PTPRZ1: variants seen among roughly 807,000 people sequenced by gnomAD.
PTPRZ1 encodes protein tyrosine phosphatase receptor type Z1, also known as receptor-type tyrosine-protein phosphatase zeta.
In PTPRZ1, 82 loss-of-function variants were observed where a neutral mutation model predicts 214.1. That is an observed-to-expected ratio of 0.38 (90% CI 0.32 to 0.46). PTPRZ1 has a LOEUF of 0.46. PTPRZ1 is among the 20% of genes least tolerant of loss of function. The pLI is 1.00. For missense variants in PTPRZ1, 2,603 were observed against 2,748.7 expected, an observed-to-expected ratio of 0.95 and a Z score of 1.19; for synonymous variants, 945 against 987.9, an observed-to-expected ratio of 0.96 and a Z score of 0.81.
intron 10 of PTPRZ1, among the ~76,000 whole-genome samples, chr7:122,000,610 GAT>G (rs1418237631): frequency 8.0e-6 from 1 of 124,534 alleles, no homozygotes; most frequent in Non-Finnish European, 1.6e-5. Context: ...AAATGAAAAA[GAT>G]AATTTATAAT....
intron 1 of PTPRZ1, among the ~76,000 whole-genome samples, chr7:121,896,662 A>G (rs1389673158): frequency 6.6e-6 from 1 of 151,990 alleles, no homozygotes; most frequent in Non-Finnish European, 1.5e-5. Flanking sequence ...AGTCCCAACT[A>G]CTGGGGAGGC....
chr7:121,890,190 T>C (rs760337706), intron 1 of PTPRZ1, among the ~76,000 whole-genome samples: 1 of 152,218 alleles, frequency 6.6e-6, no homozygotes, highest in Non-Finnish European at 1.5e-5. Context: ...CATTTAGATA[T>C]GTAACACAGT....
rs571155248 is a variant in PTPRZ1 at position 122,011,422 on chromosome 7, G to A, written c.2376G>A (p.Ser792=). The A allele has an allele frequency of 6.2e-5, 100 of 1,613,966 alleles. No homozygotes were observed. Among genetic ancestry groups the A allele is most frequent in the South Asian group, 5.5e-4 (50 of 91,070 alleles). Residue 792 remains serine, a synonymous_variant, in exon 12 of 30, where the codon TCG becomes TCA. Coordinates refer to ENST00000393386, the MANE Select transcript of PTPRZ1 (RefSeq NM_002851.3). The part of the protein sequence containing the change: ...NTTPAASSSD[S]ALHATPVFPS... ...CCCCTGCTGCTTCAAGTAGTGATTC[G>A]GCCTTGCATGCTACGCCTGTATTTC...
chr7:122,041,286 T>G (rs1293420228), intron 21 of PTPRZ1, among the ~76,000 whole-genome samples: 2 of 152,186 alleles, frequency 1.3e-5, no homozygotes, highest in Non-Finnish European at 2.9e-5. Flanking sequence ...TAAACAAATA[T>G]TTACCTCAAC....
chr7:121,991,337 A>C (rs1352191439), intron 8 of PTPRZ1, among the ~76,000 whole-genome samples: 1 of 152,240 alleles, frequency 6.6e-6, no homozygotes, highest in East Asian at 1.9e-4. Context: ...AGGTGTTCTT[A>C]AATAATTGTT....
intron 1 of PTPRZ1, among the ~76,000 whole-genome samples, chr7:121,907,268 A>G (rs1795144130): frequency 6.6e-6 from 1 of 152,102 alleles, no homozygotes; most frequent in African/African-American, 2.4e-5. Flanking sequence ...CACATTTGTT[A>G]AAATCCATGT....
At chr7:121,947,379 C>G (rs1796416145) in intron 2 of PTPRZ1, among the ~76,000 whole-genome samples, 1 of 152,034 alleles carries the variant, frequency 6.6e-6, no homozygotes, top group Non-Finnish European at 1.5e-5. Flanking sequence ...ATGTGTTGCT[C>G]TGCTATGCTG....
In PTPRZ1 at chr7:122,012,308, A is replaced by C. The variant is rs1376902584; in HGVS notation, c.3262A>C (p.Thr1088Pro). 6.2e-7 allele frequency: 1 copy of C among 1,613,720 alleles called. No homozygotes were observed. The highest frequency in any genetic ancestry group is 8.5e-7 in the Non-Finnish European group (1 of 1,179,928). ...TAAGTTGAATGCGTCTTTACAAGAA[A>C]CCTCTGTTTCCATTTCTAGCACCAA... The part of the protein sequence containing the change: ...VNKLNASLQE[T>P]SVSISSTKGM... Residue 1088 changes from threonine (T) to proline (P), a missense_variant, in exon 12 of 30, where the codon ACC becomes CCC. Coordinates refer to ENST00000393386, the MANE Select transcript of PTPRZ1 (RefSeq NM_002851.3).
chr7:121,960,560 C>A (rs1186375860), intron 2 of PTPRZ1, among the ~76,000 whole-genome samples: 9 of 152,202 alleles, frequency 5.9e-5, no homozygotes, highest in African/African-American at 2.2e-4. Flanking sequence ...CAGTGGATCT[C>A]TGCTGAATAA....
At chr7:122,057,349 CAA>C (rs1792386198) in intron 27 of PTPRZ1, among the ~76,000 whole-genome samples, 2 of 151,766 alleles carry the variant, frequency 1.3e-5, no homozygotes, top group Non-Finnish European at 2.9e-5. Flanking sequence ...ATGAAGTTTT[CAA>C]CATAACTTTA....
chr7:121,977,712 T>TA (rs201294385), intron 6 of PTPRZ1, among the ~76,000 whole-genome samples: 5 of 150,896 alleles, frequency 3.3e-5, no homozygotes, highest in African/African-American at 1.2e-4. Flanking sequence ...AGCTTTTATT[T>TA]TTTTTTTTTT....
intron 1 of PTPRZ1, chr7:121,908,996 T>G: frequency 1.9e-6 from 1 of 513,996 alleles, no homozygotes; most frequent in South Asian, 1.4e-5. Context: ...TTGGATTATT[T>G]CTGATTATTC....
chr7:122,011,878 C>T lies in PTPRZ1; in HGVS notation c.2832C>T (p.Tyr944=). The change falls in exon 12 of 30, where the codon TAC becomes TAT. Residue 944 remains tyrosine, a synonymous_variant. Transcript: ENST00000393386. The part of the protein sequence containing the change: ...EGSQHIFTVS[Y]SSAIPVHDSV... The stretch of plus-strand genomic sequence containing the variant: ...CCCAACACATCTTCACTGTTTCTTA[C>T]AGTTCTGCAATACCTGTGCATGATT... 1 of 1,614,142 alleles carries T rather than the reference C, an allele frequency of 6.2e-7. No homozygotes were observed. The highest frequency in any genetic ancestry group is 1.7e-5 in the Admixed American group (1 of 60,030).
intron 2 of PTPRZ1, among the ~76,000 whole-genome samples, chr7:121,947,309 G>C (rs1178210072): frequency 6.6e-6 from 1 of 151,544 alleles, no homozygotes; most frequent in Non-Finnish European, 1.5e-5. Context: ...CATTTTAAAA[G>C]AGAAGTACAA....
intron 11 of PTPRZ1, among the ~76,000 whole-genome samples, chr7:122,007,373 T>TA (rs1309632059): frequency 6.6e-6 from 1 of 152,104 alleles, no homozygotes; most frequent in Non-Finnish European, 1.5e-5. Flanking sequence ...GGATTTAAAA[T>TA]AAAGGATACA....
chr7:121,891,075 A>G (rs74422058), intron 1 of PTPRZ1, among the ~76,000 whole-genome samples: 80 of 152,174 alleles, frequency 5.3e-4, no homozygotes, highest in African/African-American at 1.9e-3. Context: ...ACCAAGGCAC[A>G]TTCTTTTCAA....
chr7:122,007,953 T>C (rs1798541985), intron 11 of PTPRZ1, among the ~76,000 whole-genome samples: 1 of 152,154 alleles, frequency 6.6e-6, no homozygotes, highest in Non-Finnish European at 1.5e-5. Context: ...CAACAAGATA[T>C]GGTAGGGTAG....
chr7:121,886,131 A>C (rs539153296), intron 1 of PTPRZ1, among the ~76,000 whole-genome samples: 1 of 152,162 alleles, frequency 6.6e-6, no homozygotes, highest in Non-Finnish European at 1.5e-5. Flanking sequence ...AAATGCACTG[A>C]AAATAGGTCA....
chr7:122,012,182 A>G lies in PTPRZ1; in HGVS notation c.3136A>G (p.Ile1046Val), dbSNP rs1034289560. The change falls in exon 12 of 30, where the codon ATA (isoleucine) becomes GTA (valine). Residue 1046 changes from isoleucine (I) to valine (V), a missense_variant. Coordinates refer to ENST00000393386, the MANE Select transcript of PTPRZ1 (RefSeq NM_002851.3). ...TAATAAGGCGCTTTCTAAAAGTGAA[A>G]TAATATATGGAAATGAGACTGAACT... ...DDNKALSKSE[I>V]IYGNETELQI... 6.2e-7 allele frequency: 1 copy of G among 1,614,000 alleles called. No homozygotes were observed. Among genetic ancestry groups the G allele is most frequent in the Non-Finnish European group, 8.5e-7 (1 of 1,179,880 alleles).
Sources: allele counts gnomAD v4.1 joint callset (sites outside exome capture counted in the v4.1 genomes callset), GRCh38; gene constraint gnomAD v4.1.1; transcripts MANE v1.5; gene names NCBI Gene and HGNC (gene_info 2026-07-23, HGNC 2026-07-21).